Variants in PCNX2 observed in about 807,000 individuals in gnomAD.
The protein encoded by PCNX2 is pecanex 2.
In PCNX2, 168 loss-of-function variants were observed where a neutral mutation model predicts 223.8. That is an observed-to-expected ratio of 0.75 (90% CI 0.66 to 0.85). PCNX2 has a LOEUF of 0.85. PCNX2 is among the 40% of genes least tolerant of loss of function. PCNX2 has a pLI of 0.00. For synonymous variants in PCNX2, 1,006 were observed against 1,052.6 expected (o/e 0.96, Z 0.86); for missense variants, 2,507 against 2,675.5 (o/e 0.94, Z 1.39).
At chr1:233,275,522 A>G (rs1304521555) in intron 1 of PCNX2, among the ~76,000 whole-genome samples, 2 of 152,170 alleles carry the variant, frequency 1.3e-5, no homozygotes, top group Non-Finnish European at 2.9e-5. Flanking sequence ...GAATACTCTT[A>G]TAAGGTGATA....
intron 1 of PCNX2, chr1:233,289,337 C>T (rs1006061303): frequency 1.8e-6 from 2 of 1,083,434 alleles, no homozygotes; most frequent in African/African-American, 1.5e-5. Flanking sequence ...TGAGCTGAGC[C>T]TTGAGGTCCA....
At chr1:233,175,247 A>G (rs1572021331) in intron 17 of PCNX2, among the ~76,000 whole-genome samples, 1 of 152,218 alleles carries the variant, frequency 6.6e-6, no homozygotes, top group Admixed American at 6.5e-5. Context: ...TTAAAATATT[A>G]TAATTAGGCC....
At chr1:233,256,898 G>A (rs988814783) in intron 5 of PCNX2, among the ~76,000 whole-genome samples, 1 of 152,174 alleles carries the variant, frequency 6.6e-6, no homozygotes, top group Non-Finnish European at 1.5e-5. Context: ...GAAAGCAGAG[G>A]AAAAATCCCA....
chr1:233,177,759 A>T, intron 17 of PCNX2, 43 bp downstream of exon 17: 1 of 1,522,362 alleles, frequency 6.6e-7, no homozygotes, highest in Non-Finnish European at 9.1e-7. Flanking sequence ...CTGCTGAAAG[A>T]TGAGGCCCTC....
chr1:232,988,420 C>CT (rs66592819), intron 32 of PCNX2, among the ~76,000 whole-genome samples: 145 of 147,562 alleles, frequency 9.8e-4, no homozygotes, highest in Middle Eastern at 3.5e-3. Flanking sequence ...TCTCATTGCT[C>CT]TTTTTTTTTT....
At chr1:233,174,980 A>G (rs1359421697) in intron 17 of PCNX2, among the ~76,000 whole-genome samples, 1 of 152,214 alleles carries the variant, frequency 6.6e-6, no homozygotes, top group Non-Finnish European at 1.5e-5. Flanking sequence ...ATTCTTGTTA[A>G]AATGAAGATC....
At position 233,252,654 on chromosome 1, in the gene PCNX2, T is replaced by G. The variant is rs1178911299; in HGVS notation, c.1969A>C (p.Lys657Gln). The G allele has an allele frequency of 6.2e-7, 1 of 1,611,908 alleles. No homozygotes were observed. The highest frequency in any genetic ancestry group is 8.5e-7 in the Non-Finnish European group (1 of 1,179,414). The change falls in exon 6 of 34, where the codon AAG becomes CAG. Residue 657 changes from lysine (K) to glutamine (Q), a missense_variant. Around this residue, in one of 3 missense-constraint regions of PCNX2, gnomAD observed 1,031 missense variants for 1,021.7 expected, o/e 1.01. Coordinates refer to ENST00000258229, the MANE Select transcript of PCNX2 (RefSeq NM_014801.4). ...ACTTATCCTTACAAGGCTGTGGTCT[T>G]GGCAGGCTGAGTGCATGCGGGGCCG... is the stretch of plus-strand genomic sequence containing the variant. ...STGPACTQPA[K>Q]TTAFFQGNRQ...
At chr1:233,200,049 G>T in intron 14 of PCNX2, 105 bp downstream of exon 14, 2 of 931,532 alleles carry the variant, frequency 2.1e-6, no homozygotes, top group Non-Finnish European at 3.2e-6. Context: ...TAAATGCTCA[G>T]GACAAAGAAA....
chr1:233,295,504 G>A lies in PCNX2; in HGVS notation c.-26C>T, dbSNP rs764411102. The stretch of plus-strand genomic sequence containing the variant: ...GCCGGCTGCGCCCCGGGGCTGGTGA[G>A]CGCCCCGCTGCACCCTGCGCGCCCC... On this transcript the variant is annotated 5_prime_UTR_variant, in exon 1 of 34. Coordinates refer to ENST00000258229, the MANE Select transcript of PCNX2 (RefSeq NM_014801.4). The surrounding 1 kb of genome is among the most constrained non-coding windows in gnomAD (Gnocchi z 4.1). 11 of 1,536,918 alleles carry A rather than the reference G, an allele frequency of 7.2e-6. No individual in the cohort carries two copies. The highest frequency in any genetic ancestry group is 4.0e-5 in the Admixed American group (2 of 50,456).
Position 233,000,643 on chromosome 1 carries a change from C to T in PCNX2, c.5098-108G>A, listed in dbSNP as rs879912204. 2.6e-5 allele frequency: 21 copies of T among 810,412 alleles called. No individual in the cohort carries two copies. In the Admixed American group the frequency reaches 3.2e-4, roughly 12 times the overall value. The allele number at this position is 810,412 out of a possible 1,614,324, so 50.2% of individuals were successfully genotyped here. Reference sequence around the variant, plus strand: ...GTGACCTCCAAAGCTAAGCTCTTTCCTCATCTTCCTCTCTCCTGTTCTTTT... The same window carrying T: ...GTGACCTCCAAAGCTAAGCTCTTTCTTCATCTTCCTCTCTCCTGTTCTTTT... On this transcript the variant is annotated intron_variant, in intron 29 of 33. Coordinates refer to ENST00000258229, the MANE Select transcript of PCNX2 (RefSeq NM_014801.4). The surrounding 1 kb of genome is among the most constrained non-coding windows in gnomAD (Gnocchi z 4.6).
intron 25 of PCNX2, chr1:233,033,299 C>G: frequency 1.4e-6 from 1 of 710,752 alleles, no homozygotes; most frequent in Non-Finnish European, 1.7e-6. Context: ...AGTATGAAAG[C>G]AAATGAAGAA....
chr1:233,278,072 T>C (rs979647433), intron 1 of PCNX2, among the ~76,000 whole-genome samples: 2 of 152,212 alleles, frequency 1.3e-5, no homozygotes, highest in African/African-American at 4.8e-5. Context: ...GCACCACTCA[T>C]AGACAGTTAT....
At chr1:233,316,883 CCTGT>C in the PCNX2 span, among the ~76,000 whole-genome samples, 3 of 152,116 alleles carry the variant, frequency 2.0e-5, no homozygotes, top group Non-Finnish European at 2.9e-5. Flanking sequence ...ACTTATTCAT[CCTGT>C]CTATTTTTCA....
chr1:233,132,728 T>C (rs948824823), intron 21 of PCNX2, among the ~76,000 whole-genome samples: 1 of 152,188 alleles, frequency 6.6e-6, no homozygotes, highest in African/African-American at 2.4e-5. Flanking sequence ...GAGTATGTTC[T>C]ACTTAACTTT....
chr1:233,263,752 G>A (rs540763458), intron 1 of PCNX2, among the ~76,000 whole-genome samples: 5 of 152,178 alleles, frequency 3.3e-5, no homozygotes, highest in South Asian at 2.1e-4. Flanking sequence ...CACTGTACCC[G>A]GCCTCCATGT....
At chr1:233,229,492 C>T (rs564351717) in intron 9 of PCNX2, among the ~76,000 whole-genome samples, 60 of 152,224 alleles carry the variant, frequency 3.9e-4, no homozygotes, top group African/African-American at 1.3e-3. Flanking sequence ...AGTCCTTTTC[C>T]TTGAAGCCAC....
At chr1:233,040,588 C>T (rs973658181) in intron 25 of PCNX2, among the ~76,000 whole-genome samples, 1 of 152,156 alleles carries the variant, frequency 6.6e-6, no homozygotes, top group Non-Finnish European at 1.5e-5. Context: ...CATTCTCTCA[C>T]CCTAACCCCA....
chr1:233,278,236 C>T (rs759537074), intron 1 of PCNX2, among the ~76,000 whole-genome samples: 6 of 152,212 alleles, frequency 3.9e-5, no homozygotes, highest in Non-Finnish European at 7.3e-5. Flanking sequence ...TCCCACACAC[C>T]TATTTTCAAG....
intron 12 of PCNX2, among the ~76,000 whole-genome samples, chr1:233,209,006 C>T (rs941789182): frequency 6.6e-6 from 1 of 152,130 alleles, no homozygotes; most frequent in African/African-American, 2.4e-5. Flanking sequence ...TAATTCAATG[C>T]TTTCCCCAAC....
Sources: gnomAD v4.1 joint callset for allele counts (sites outside exome capture counted in the v4.1 genomes callset) on GRCh38, gnomAD v4.1.1 for gene constraint, gnomAD v4.1.1 regional missense constraint, Gnocchi (gnomAD v3.1) non-coding constraint, MANE v1.5 for transcripts, NCBI Gene and HGNC (gene_info 2026-07-23, HGNC 2026-07-21) for gene names.